The following SEM1 variants were observed in gnomAD, a reference collection of about 807,000 sequenced individuals.
The protein encoded by SEM1 is 26S proteasome complex subunit SEM1.
SEM1 carries 3 observed loss-of-function variants against 12.7 expected under a neutral mutation model. The ratio of observed to expected loss-of-function variants is 0.24; its 90% confidence interval spans 0.11 to 0.61. The LOEUF is 0.61. Ranked by LOEUF, SEM1 falls within the 20% of genes least tolerant of loss-of-function variation. The probability of loss-of-function intolerance (pLI) is 0.88; values close to 1 mark genes in which losing one functional copy is unlikely to be tolerated. For synonymous variants in SEM1, 30 were observed against 27.8 expected (o/e 1.08, Z -0.25); for missense variants, 59 against 81.3 (o/e 0.73, Z 1.06).
downstream of SEM1, among the ~76,000 whole-genome samples, chr7:96,684,787 T>C (rs1223571907): frequency 2.0e-5 from 3 of 152,060 alleles, no homozygotes; most frequent in East Asian, 1.9e-4. Context: ...AAGTTGTTAG[T>C]TGAATATATG....
intron 2 of SEM1, among the ~76,000 whole-genome samples, chr7:96,557,868 G>T (rs887566251): frequency 3.9e-5 from 6 of 152,328 alleles, no homozygotes; most frequent in African/African-American, 1.4e-4. Flanking sequence ...GACCCTCCGA[G>T]CCAGGTGTGG....
intron 2 of SEM1, among the ~76,000 whole-genome samples, chr7:96,557,469 C>T (rs1336896675): frequency 1.4e-4 from 15 of 104,588 alleles, no homozygotes; most frequent in African/African-American, 3.9e-4. Flanking sequence ...GTCAGTGTGC[C>T]CCTGCTGGGG....
chr7:96,489,558 T>G (rs1347270305), intron 1 of SEM1, among the ~76,000 whole-genome samples: 1 of 152,194 alleles, frequency 6.6e-6, no homozygotes, highest in Non-Finnish European at 1.5e-5. Context: ...TCAGACTGTT[T>G]GAAGATGGAG....
chr7:96,697,111 C>T (rs1440789627), intron 1 of SEM1: 1 of 150,998 alleles, frequency 6.6e-6, no homozygotes, highest in African/African-American at 2.4e-5. Flanking sequence ...TGTGATTAAT[C>T]ATGTAAATAA....
At chr7:96,564,998 A>G (rs185893842) in intron 2 of SEM1, among the ~76,000 whole-genome samples, 7 of 152,108 alleles carry the variant, frequency 4.6e-5, no homozygotes, top group Admixed American at 3.9e-4. Flanking sequence ...CTCACTACTT[A>G]CTTAAATTTT....
chr7:96,656,670 A>G (rs1008774850), intron 2 of SEM1: 3 of 151,956 alleles, frequency 2.0e-5, no homozygotes, highest in African/African-American at 7.3e-5. Flanking sequence ...CAACAAAATC[A>G]TCTACATTTA....
At chr7:96,673,945 C>A in intron 2 of SEM1, 1 of 709,028 alleles carries the variant, frequency 1.4e-6, no homozygotes, top group Non-Finnish European at 2.6e-6. Flanking sequence ...TAAGCCTGGC[C>A]CATCCTGAAA....
intron 2 of SEM1, among the ~76,000 whole-genome samples, chr7:96,680,596 C>A (rs888259726): frequency 2.6e-5 from 4 of 152,092 alleles, no homozygotes; most frequent in African/African-American, 7.2e-5. Flanking sequence ...AGTGGCAAGA[C>A]TTTCTCTAAT....
chr7:96,649,916 G>C (rs1808917626), intron 2 of SEM1: 1 of 152,136 alleles, frequency 6.6e-6, no homozygotes, highest in South Asian at 2.1e-4. Context: ...CTTGAACATA[G>C]GTCTGTGACT....
At chr7:96,595,018 T>G (rs1806950832) in intron 2 of SEM1, among the ~76,000 whole-genome samples, 1 of 152,100 alleles carries the variant, frequency 6.6e-6, no homozygotes, top group Non-Finnish European at 1.5e-5. Flanking sequence ...AAAATAAAAC[T>G]TAAAATGCCC....
At chr7:96,698,763 T>A (rs894571597) in intron 1 of SEM1, among the ~76,000 whole-genome samples, 2 of 152,196 alleles carry the variant, frequency 1.3e-5, no homozygotes, top group African/African-American at 2.4e-5. Context: ...TGATTTATAA[T>A]CCTTTGGGTA....
rs117044094 is a variant in SEM1, at chr7:96,705,237, T to C, written c.76+4451A>G. 6.2e-4 allele frequency among the ~76,000 whole-genome samples: 95 copies of C among 152,030 alleles called. No homozygotes were observed. In the East Asian group the frequency reaches 0.015, roughly 24 times the overall value. ...CTGCTCCTGATTTCTTCAGACTATA[T>C]AGAAATTTCACCTAATACAGAAAAA... On this transcript the variant is annotated intron_variant, in intron 1 of 2. Coordinates refer to ENST00000248566, the MANE Select transcript of SEM1 (RefSeq NM_006304.2).
intron 2 of SEM1, among the ~76,000 whole-genome samples, chr7:96,594,403 C>A (rs1225032781): frequency 2.0e-5 from 3 of 149,148 alleles, no homozygotes; most frequent in Non-Finnish European, 4.5e-5. Context: ...GAAAACCCCC[C>A]CACCATTAAA....
intron 2 of SEM1, among the ~76,000 whole-genome samples, chr7:96,540,378 GATAA>G (rs1403192400): frequency 6.6e-6 from 1 of 151,604 alleles, no homozygotes; most frequent in Non-Finnish European, 1.5e-5. Flanking sequence ...AATTAAAATA[GATAA>G]ATATTCAACT....
intron 2 of SEM1, among the ~76,000 whole-genome samples, chr7:96,693,077 T>C (rs1268909446): frequency 6.6e-6 from 1 of 152,176 alleles, no homozygotes; most frequent in African/African-American, 2.4e-5. Flanking sequence ...AGCAAAATTC[T>C]AAGTCTTTAT....
intron 2 of SEM1, among the ~76,000 whole-genome samples, chr7:96,622,798 A>C (rs1286798122): frequency 6.6e-6 from 1 of 152,216 alleles, no homozygotes; most frequent in Non-Finnish European, 1.5e-5. Context: ...CTGTCTAGAA[A>C]TGTGGCATTT....
chr7:96,705,819 C>CA lies in SEM1; in HGVS notation c.76+3868dup, dbSNP rs1218812594. ...TGGGTGACAGAGCGAGACTCTGTCT[C>CA]AAAAAAAAAAAAAAAGTTTTAAATA... On this transcript the variant is annotated intron_variant, in intron 1 of 2. Coordinates refer to ENST00000248566, the MANE Select transcript of SEM1 (RefSeq NM_006304.2). Among the ~76,000 whole-genome samples the CA allele has an allele frequency of 2.1e-3, 201 of 96,232 alleles. 1 individual carries two copies. The highest frequency in any genetic ancestry group is 6.4e-3 in the Middle Eastern group (1 of 156). The allele number at this position is 96,232 out of a possible 152,430, so 63.1% of individuals were successfully genotyped here. A position where few individuals can be genotyped will look rare whatever the true frequency, so the allele number is the denominator to read the frequency against.
intron 1 of SEM1, among the ~76,000 whole-genome samples, chr7:96,709,470 A>C (rs1324959330): frequency 6.6e-6 from 1 of 152,168 alleles, no homozygotes; most frequent in Non-Finnish European, 1.5e-5. Context: ...CCAGTGAGGA[A>C]GCCGAAGCCA....
At chr7:96,594,174 T>C (rs1806924075) in intron 2 of SEM1, among the ~76,000 whole-genome samples, 1 of 152,192 alleles carries the variant, frequency 6.6e-6, no homozygotes, top group Admixed American at 6.5e-5. Flanking sequence ...GTGCTGAATA[T>C]TCTGTCTCCT....
Sources: gnomAD v4.1 joint callset for allele counts (sites outside exome capture counted in the v4.1 genomes callset) on GRCh38, gnomAD v4.1.1 for gene constraint, MANE v1.5 for transcripts, NCBI Gene and HGNC (gene_info 2026-07-23, HGNC 2026-07-21) for gene names.